MACROD2: variants seen among roughly 807,000 people sequenced by gnomAD.
MACROD2 encodes the protein mono-ADP ribosylhydrolase 2.
A neutral mutation model predicts 70.4 loss-of-function variants in MACROD2; 36 were observed. That is an observed-to-expected ratio of 0.51 (90% CI 0.39 to 0.68). The LOEUF (loss-of-function observed/expected upper bound fraction) is 0.68. Ranked by LOEUF, MACROD2 falls within the 30% of genes least tolerant of loss-of-function variation. The pLI is 0.00. For synonymous variants in MACROD2, 172 were observed against 178.8 expected (o/e 0.96, Z 0.30); for missense variants, 496 against 538.4 (o/e 0.92, Z 0.78).
At chr20:14,450,577 G>A (rs1447640832) in intron 3 of MACROD2, among the ~76,000 whole-genome samples, 1 of 152,024 alleles carries the variant, frequency 6.6e-6, no homozygotes, top group East Asian at 1.9e-4. Flanking sequence ...ATTGATTTTG[G>A]TATTTAATAT....
intron 8 of MACROD2, among the ~76,000 whole-genome samples, chr20:15,523,679 G>A (rs745479323): frequency 3.9e-5 from 6 of 152,096 alleles, no homozygotes; most frequent in East Asian, 1.9e-4. Context: ...ATATACAAGC[G>A]CACTCAGATT....
intron 5 of MACROD2, among the ~76,000 whole-genome samples, chr20:14,811,829 G>C (rs1047799639): frequency 3.9e-5 from 6 of 152,130 alleles, no homozygotes; most frequent in African/African-American, 1.4e-4. Context: ...ATGAAAAAAA[G>C]CTCATCATCA....
At chr20:15,953,826 G>A (rs899129371) in intron 12 of MACROD2, among the ~76,000 whole-genome samples, 6 of 151,944 alleles carry the variant, frequency 3.9e-5, no homozygotes, top group African/African-American at 7.3e-5. Context: ...ATTTGAAGTC[G>A]TTCCCTCAAA....
chr20:14,701,312 C>T (rs1932950), intron 5 of MACROD2, among the ~76,000 whole-genome samples: 95,668 of 151,986 alleles, frequency 0.63, 30,336 homozygotes, highest in South Asian at 0.72. Flanking sequence ...TTTCTCCCAC[C>T]TTTTCATTCT....
chr20:15,236,215 G>A (rs746648676), intron 6 of MACROD2, among the ~76,000 whole-genome samples: 4 of 152,220 alleles, frequency 2.6e-5, no homozygotes, highest in South Asian at 2.1e-4. Flanking sequence ...CTACATTCAC[G>A]TTTCGTAAGA....
chr20:14,757,294 A>T, intron 5 of MACROD2, among the ~76,000 whole-genome samples: 1 of 152,186 alleles, frequency 6.6e-6, no homozygotes, highest in East Asian at 1.9e-4. Context: ...ACAGTAAATT[A>T]AAATCTTAAT....
intron 7 of MACROD2, among the ~76,000 whole-genome samples, chr20:15,445,227 C>G (rs985776816): frequency 6.6e-6 from 1 of 152,154 alleles, no homozygotes; most frequent in Admixed American, 6.6e-5. Flanking sequence ...ATCCAGGTGT[C>G]TCATCTCAGC....
In MACROD2 at chr20:15,585,574, C is replaced by T. The variant is rs142072943; in HGVS notation, c.645+85727C>T. 1.8e-3 allele frequency among the ~76,000 whole-genome samples: 268 copies of T among 152,250 alleles called. 1 individual carries two copies. In the East Asian group the frequency reaches 0.028, roughly 16 times the overall value. On this transcript the variant is annotated intron_variant, in intron 8 of 17. Transcript: ENST00000684519. ...AATTAACTCCCCTAGGAGCATCACT[C>T]ATCCAGTGACTCTCTGAATATGGCA...
chr20:15,024,959 G>T (rs2122977898), intron 5 of MACROD2, among the ~76,000 whole-genome samples: 1 of 152,180 alleles, frequency 6.6e-6, no homozygotes, highest in African/African-American at 2.4e-5. Flanking sequence ...TGGGATACAG[G>T]TTTAAATCAC....
chr20:15,539,146 C>A (rs1365900052), intron 8 of MACROD2, among the ~76,000 whole-genome samples: 1 of 152,080 alleles, frequency 6.6e-6, no homozygotes, highest in East Asian at 1.9e-4. Context: ...ATGTATGTAA[C>A]CAACAAATAC....
intron 4 of MACROD2, among the ~76,000 whole-genome samples, chr20:14,624,410 C>T (rs1314299142): frequency 1.3e-5 from 2 of 152,150 alleles, no homozygotes; most frequent in African/African-American, 4.8e-5. Context: ...TAGAAAAGAG[C>T]TGGATAGCAA....
At chr20:15,602,006 C>T (rs2048827973) in intron 8 of MACROD2, among the ~76,000 whole-genome samples, 2 of 148,992 alleles carry the variant, frequency 1.3e-5, no homozygotes, top group African/African-American at 5.0e-5. Flanking sequence ...CCAGCCTGGA[C>T]AACAGAGCGA....
intron 5 of MACROD2, among the ~76,000 whole-genome samples, chr20:15,025,750 G>A (rs1052986350): frequency 6.6e-6 from 1 of 152,020 alleles, no homozygotes; most frequent in Non-Finnish European, 1.5e-5. Context: ...GATGTTTAGC[G>A]GTATCCCTGG....
At chr20:15,127,258 A>C (rs1006497633) in intron 5 of MACROD2, among the ~76,000 whole-genome samples, 3 of 152,122 alleles carry the variant, frequency 2.0e-5, no homozygotes, top group Non-Finnish European at 4.4e-5. Flanking sequence ...TAAATGCTAG[A>C]AAGAAGACAG....
intron 3 of MACROD2, among the ~76,000 whole-genome samples, chr20:14,350,916 G>T (rs1273845594): frequency 6.6e-6 from 1 of 152,184 alleles, no homozygotes; most frequent in Non-Finnish European, 1.5e-5. Flanking sequence ...ATTTCGATTT[G>T]ATTTTTGTGT....
At chr20:15,154,905 G>A (rs532858360) in intron 5 of MACROD2, among the ~76,000 whole-genome samples, 1 of 152,122 alleles carries the variant, frequency 6.6e-6, no homozygotes, top group Admixed American at 6.5e-5. Context: ...TAAAGTAAAT[G>A]GTTCACTTGA....
intron 3 of MACROD2, among the ~76,000 whole-genome samples, chr20:14,466,139 G>C (rs1841987314): frequency 1.3e-5 from 2 of 152,046 alleles, no homozygotes; most frequent in Non-Finnish European, 2.9e-5. Flanking sequence ...TTTCCAACTT[G>C]GTTCCATTCT....
intron 5 of MACROD2, among the ~76,000 whole-genome samples, chr20:15,118,437 C>T (rs561032405): frequency 9.2e-5 from 14 of 152,148 alleles, no homozygotes; most frequent in Admixed American, 3.3e-4. Context: ...ATGATCCGCC[C>T]GCCTTGGCCT....
intron 3 of MACROD2, among the ~76,000 whole-genome samples, chr20:14,216,053 G>C (rs1272989351): frequency 6.6e-6 from 1 of 151,812 alleles, no homozygotes; most frequent in Non-Finnish European, 1.5e-5. Context: ...TATTGCATTT[G>C]CTTTTGGGTT....
Sources: gnomAD v4.1 joint callset for allele counts (sites outside exome capture counted in the v4.1 genomes callset) on GRCh38, gnomAD v4.1.1 for gene constraint, MANE v1.5 for transcripts, NCBI Gene and HGNC (gene_info 2026-07-23, HGNC 2026-07-21) for gene names.